BIN3: variants seen among roughly 807,000 people sequenced by gnomAD.
BIN3 encodes bridging integrator 3.
BIN3 carries 41 observed loss-of-function variants against 38.2 expected under a neutral mutation model. The observed-to-expected ratio is 1.07, with a 90% CI of 0.84 to 1.39. The LOEUF (loss-of-function observed/expected upper bound fraction) is 1.39. Among genes scored for constraint, BIN3 ranks in the 40% most tolerant of loss-of-function variants. The pLI is 0.00. For synonymous variants in BIN3, 145 were observed against 122.6 expected (o/e 1.18, Z -1.21); for missense variants, 361 against 324.3 (o/e 1.11, Z -0.87).
rs750586585 is a variant in BIN3 at position 22,630,529 on chromosome 8, G to C, written c.210C>G (p.Pro70=). 1 of 1,614,012 alleles carries C rather than the reference G, an allele frequency of 6.2e-7. No individual in the cohort carries two copies. Residue 70 remains proline (P), a synonymous_variant, in exon 5 of 9, where the codon CCC becomes CCG. Coordinates refer to ENST00000276416, the MANE Select transcript of BIN3 (RefSeq NM_018688.6). ...VKISLDLLSN[P]LCEQDQDLLN... ...GAAGGTCCTGGTCTTGCTCACAGAG[G>C]GGATTGGAGAGTAAGTCCAAGGATA...
chr8:22,625,079 G>A, intron 6 of BIN3: 1 of 437,478 alleles, frequency 2.3e-6, no homozygotes, highest in Non-Finnish European at 4.1e-6. Flanking sequence ...AGCTGCTTCA[G>A]GAAAATGCCC....
chr8:22,625,267 G>C (rs1381088960), intron 6 of BIN3: 1 of 700,360 alleles, frequency 1.4e-6, no homozygotes, highest in South Asian at 1.5e-5. Context: ...GCTGCTGCTG[G>C]AGGGCTGGCC....
In BIN3 at chr8:22,652,718, CAGAGA is replaced by C. The variant is rs557654561; in HGVS notation, c.9-7920_9-7916del. 7.4e-4 allele frequency among the ~76,000 whole-genome samples: 112 copies of C among 152,218 alleles called. 1 individual carries two copies. In the South Asian group the frequency reaches 0.022, roughly 30 times the overall value. ...ATAGGCATGAAAGTGAATATTTAGGCAGAGAAAAGAGCAAAACAAATGCGAAGTTT... is the reference window on the plus strand; with the variant it reads ...ATAGGCATGAAAGTGAATATTTAGGCAAAGAGCAAAACAAATGCGAAGTTT... On this transcript the variant is annotated intron_variant, in intron 1 of 8. Transcript: ENST00000276416.
intron 5 of BIN3, among the ~76,000 whole-genome samples, 196 bp downstream of exon 5, chr8:22,630,246 C>A (rs534229983): frequency 3.3e-4 from 51 of 152,312 alleles, no homozygotes; most frequent in African/African-American, 1.2e-3. Context: ...CGTGGAGCCT[C>A]AGGAGGCAGG....
At chr8:22,631,688 A>G (rs938957550) in intron 4 of BIN3, among the ~76,000 whole-genome samples, 4 of 152,176 alleles carry the variant, frequency 2.6e-5, no homozygotes, top group African/African-American at 9.7e-5. Context: ...TCTGTCCATC[A>G]GGCATCCACT....
intron 5 of BIN3, 60 bp from the exon 6 acceptor site, chr8:22,630,064 G>T: frequency 1.3e-6 from 2 of 1,499,652 alleles, no homozygotes; most frequent in South Asian, 1.2e-5. Flanking sequence ...GACACGCAAG[G>T]CAGGGCCCCT....
At chr8:22,653,039 T>C (rs901027188) in intron 1 of BIN3, among the ~76,000 whole-genome samples, 12 of 152,304 alleles carry the variant, frequency 7.9e-5, no homozygotes, top group Admixed American at 4.6e-4. Flanking sequence ...TTTAGAAAAA[T>C]CTCATGTTTC....
rs202121621 is a variant in BIN3 at position 22,620,477 on chromosome 8, A to C, written c.*945T>G. The C allele has an allele frequency of 7.1e-6, 1 of 140,656 alleles. No homozygotes were observed. Among genetic ancestry groups the C allele is most frequent in the South Asian group, 2.4e-4 (1 of 4,242 alleles). The allele number at this position is 140,656 out of a possible 1,614,324, so 8.7% of individuals were successfully genotyped here. On this transcript the variant is annotated 3_prime_UTR_variant, in exon 9 of 9. Coordinates refer to ENST00000276416, the MANE Select transcript of BIN3 (RefSeq NM_018688.6). Reference sequence around the variant, plus strand: ...AAACCAAAGTCAAAAACAAACTGAGAGTGTGTCCTCCACAGCTCTTCCTAC... The same window carrying C: ...AAACCAAAGTCAAAAACAAACTGAGCGTGTGTCCTCCACAGCTCTTCCTAC...
intron 1 of BIN3, among the ~76,000 whole-genome samples, chr8:22,655,641 C>A (rs954652355): frequency 2.6e-5 from 4 of 152,178 alleles, no homozygotes; most frequent in Admixed American, 2.0e-4. Flanking sequence ...ATCTTGATAA[C>A]AGCACCACAC....
At chr8:22,629,544 C>T (rs1457791863) in intron 6 of BIN3, among the ~76,000 whole-genome samples, 1 of 152,256 alleles carries the variant, frequency 6.6e-6, no homozygotes, top group Non-Finnish European at 1.5e-5. Flanking sequence ...TTTCCAGAGC[C>T]GAGTGCTGCA....
At chr8:22,668,149 T>TA (rs1803486895) in intron 1 of BIN3, among the ~76,000 whole-genome samples, 1 of 152,090 alleles carries the variant, frequency 6.6e-6, no homozygotes, top group South Asian at 2.1e-4. Context: ...GGCCTGACGG[T>TA]AAGGTAAGGT....
intron 2 of BIN3, among the ~76,000 whole-genome samples, chr8:22,642,649 T>G (rs1199570499): frequency 6.6e-6 from 1 of 152,194 alleles, no homozygotes; most frequent in African/African-American, 2.4e-5. Context: ...TGTATTATCT[T>G]GTGTGAGCCT....
At chr8:22,654,629 G>C (rs1256663285) in intron 1 of BIN3, among the ~76,000 whole-genome samples, 2 of 152,080 alleles carry the variant, frequency 1.3e-5, no homozygotes, top group Non-Finnish European at 2.9e-5. Flanking sequence ...TGTTTTTGAA[G>C]GTCATCCATG....
intron 2 of BIN3, among the ~76,000 whole-genome samples, chr8:22,637,509 G>A (rs148475828): frequency 6.6e-6 from 1 of 152,222 alleles, no homozygotes; most frequent in Non-Finnish European, 1.5e-5. Flanking sequence ...ATCAAACACA[G>A]ACACTGTGAC....
chr8:22,636,185 A>G (rs771860121), intron 4 of BIN3, among the ~76,000 whole-genome samples: 10 of 152,154 alleles, frequency 6.6e-5, no homozygotes, highest in Non-Finnish European at 1.2e-4. Context: ...GCGGGAAGGA[A>G]TGTGCTTCCC....
intron 1 of BIN3, among the ~76,000 whole-genome samples, chr8:22,663,185 T>C (rs1176115101): frequency 1.4e-5 from 2 of 147,470 alleles, no homozygotes; most frequent in Non-Finnish European, 3.0e-5. Context: ...ACATACTGTG[T>C]CAAACTTTTA....
chr8:22,667,571 A>T (rs1033629579), intron 1 of BIN3, among the ~76,000 whole-genome samples: 6 of 152,344 alleles, frequency 3.9e-5, no homozygotes, highest in African/African-American at 1.4e-4. Context: ...AATGACACTG[A>T]AAGGACGTAA....
At chr8:22,629,518 T>G (rs552960221) in intron 6 of BIN3, among the ~76,000 whole-genome samples, 1 of 152,320 alleles carries the variant, frequency 6.6e-6, no homozygotes, top group East Asian at 1.9e-4. Flanking sequence ...CCTCCCTGTG[T>G]GCGGCCACCC....
intron 6 of BIN3, chr8:22,629,577 C>T (rs563403252): frequency 5.1e-5 from 12 of 234,520 alleles, no homozygotes; most frequent in Non-Finnish European, 8.4e-5. Context: ...CCCAAGCTGG[C>T]GGGGCAAGAT....
Sources: allele counts gnomAD v4.1 joint callset (sites outside exome capture counted in the v4.1 genomes callset), GRCh38; gene constraint gnomAD v4.1.1; transcripts MANE v1.5; gene names NCBI Gene and HGNC (gene_info 2026-07-23, HGNC 2026-07-21).